The following LAMA1 variants were observed in gnomAD, a reference collection of about 807,000 sequenced individuals.
The protein encoded by LAMA1 is laminin subunit alpha-1.
In LAMA1, 219 loss-of-function variants were observed where a neutral mutation model predicts 348.7. That is an observed-to-expected ratio of 0.63 (90% CI 0.56 to 0.70). LAMA1 has a LOEUF of 0.70. LAMA1 is among the 30% of genes least tolerant of loss of function. The probability of loss-of-function intolerance (pLI) is 0.00; values close to 1 mark genes in which losing one functional copy is unlikely to be tolerated. For missense variants in LAMA1, 3,744 were observed against 3,888.0 expected (o/e 0.96, Z 0.99); for synonymous variants, 1,487 against 1,491.0 (o/e 1.00, Z 0.06).
At chr18:6,991,383 CTTCTTCT>C (rs1250708316) in intron 36 of LAMA1, among the ~76,000 whole-genome samples, 7 of 141,884 alleles carry the variant, frequency 4.9e-5, no homozygotes, top group African/African-American at 1.6e-4. Flanking sequence ...AATTCCACTT[CTTCTTCT>C]TTTTTTTTTT....
chr18:7,026,156 C>T (rs1342284805), intron 16 of LAMA1, 50 bp from the exon 17 acceptor site: 24 of 1,593,104 alleles, frequency 1.5e-5, no homozygotes, highest in Non-Finnish European at 2.1e-5. Context: ...AAAGGATTTT[C>T]AGATTTATCT....
At chr18:6,980,950 A>G (rs2057708890) in intron 41 of LAMA1, among the ~76,000 whole-genome samples, 1 of 151,956 alleles carries the variant, frequency 6.6e-6, no homozygotes, top group East Asian at 1.9e-4. Flanking sequence ...AATAAAAATA[A>G]ACATTAGCCA....
chr18:6,948,315 T>C, intron 60 of LAMA1, 88 bp downstream of exon 60: 1 of 1,549,300 alleles, frequency 6.5e-7, no homozygotes. Context: ...CCTTGTCCAG[T>C]GGGTCCTGTC....
At chr18:7,069,011 G>A (rs1291344303) in intron 3 of LAMA1, among the ~76,000 whole-genome samples, 1 of 152,040 alleles carries the variant, frequency 6.6e-6, no homozygotes, top group East Asian at 1.9e-4. Context: ...ATCCAATCCT[G>A]CAAAACTGTC....
In LAMA1 at chr18:6,978,297, G is replaced by T. The variant is rs761631965; in HGVS notation, c.6089C>A (p.Ala2030Glu). 2 of 1,614,084 alleles carry T rather than the reference G, an allele frequency of 1.2e-6. No individual in the cohort carries two copies. Among genetic ancestry groups the T allele is most frequent in the African/African-American group, 1.3e-5 (1 of 74,920 alleles). ...GTTCAGCAGCTCCTGGCTCAGCCCC[G>T]CCACGTCCCTCAGCGTGCTCACCGC... ...QSAVSTLRDV[A>E]GLSQELLNTS... The change falls in exon 43 of 63, where the codon GCG (alanine) becomes GAG (glutamate). Residue 2030 changes from alanine (A) to glutamate (E), a missense_variant. Coordinates refer to ENST00000389658, the MANE Select transcript of LAMA1 (RefSeq NM_005559.4).
chr18:7,016,665 A>G lies in LAMA1; in HGVS notation c.2815T>C (p.Tyr939His). ...GQQCDQCLHG[Y>H]YGLDSGHGCR... ...CCATGGCCTGAGTCCAGCCCATAAT[A>G]GCCATGCTGTTTCACCAAAGGGGGA... Residue 939 changes from tyrosine to histidine, a missense_variant, in exon 21 of 63, where the codon TAT becomes CAT. By Grantham distance (83) the Tyr-to-His change is moderately conservative. Coordinates refer to ENST00000389658, the MANE Select transcript of LAMA1 (RefSeq NM_005559.4). The G allele has an allele frequency of 6.2e-7, 1 of 1,612,584 alleles. No individual in the cohort carries two copies. Among genetic ancestry groups the G allele is most frequent in the Non-Finnish European group, 8.5e-7 (1 of 1,179,370 alleles).
chr18:6,955,854 A>G, intron 56 of LAMA1: 1 of 356,550 alleles, frequency 2.8e-6, no homozygotes, highest in Non-Finnish European at 5.5e-6. Context: ...CGGACCAGGC[A>G]CTGGAAAACT....
chr18:7,016,238 A>G (rs1228758902), intron 21 of LAMA1, among the ~76,000 whole-genome samples: 2 of 152,204 alleles, frequency 1.3e-5, no homozygotes, highest in Non-Finnish European at 2.9e-5. Flanking sequence ...CATTTTACAG[A>G]TGAGGAAACT....
chr18:7,024,593 T>C (rs2057933971), intron 17 of LAMA1, 127 bp from the exon 18 acceptor site: 4 of 782,170 alleles, frequency 5.1e-6, no homozygotes, highest in Middle Eastern at 3.3e-4. Context: ...TAGCTCAGAA[T>C]CCGGGGCCTC....
chr18:6,943,974 C>T (rs1033487423), intron 61 of LAMA1, among the ~76,000 whole-genome samples: 16 of 151,922 alleles, frequency 1.1e-4, no homozygotes, highest in African/African-American at 3.6e-4. Context: ...AATTTTAGGA[C>T]ATTTTAGGAG....
chr18:7,007,202 A>C lies in LAMA1; in HGVS notation c.4197T>G (p.Pro1399=). Reference sequence around the variant, plus strand: ...GGTTGTTGCAACTGCAGGGAACACAAGGAGCAACCAGAGGGCGTGGTCCCC... The same window carrying C: ...GGTTGTTGCAACTGCAGGGAACACACGGAGCAACCAGAGGGCGTGGTCCCC... The part of the protein sequence containing the change: ...SDRGPRPLVA[P]CVPCSCNNHS... The change falls in exon 29 of 63, where the codon CCT becomes CCG. Residue 1399 remains proline (P), a synonymous_variant. Transcript: ENST00000389658. The C allele has an allele frequency of 6.2e-7, 1 of 1,614,180 alleles. No individual in the cohort carries two copies. Among genetic ancestry groups the C allele is most frequent in the Non-Finnish European group, 8.5e-7 (1 of 1,180,026 alleles).
chr18:6,978,452 G>A, intron 42 of LAMA1, 74 bp from the exon 43 acceptor site: 2 of 1,303,474 alleles, frequency 1.5e-6, no homozygotes, highest in East Asian at 2.3e-5. Context: ...GACAACAAAT[G>A]TAATTTCGCA....
intron 5 of LAMA1, among the ~76,000 whole-genome samples, chr18:7,046,927 C>G (rs2058043911): frequency 6.6e-6 from 1 of 152,138 alleles, no homozygotes; most frequent in Admixed American, 6.5e-5. Context: ...ATTTTGTATA[C>G]TGCAACACTG....
chr18:7,081,863 A>G (rs16951205), intron 1 of LAMA1, among the ~76,000 whole-genome samples: 2,283 of 152,278 alleles, frequency 0.015, 56 homozygotes, highest in African/African-American at 0.052. Flanking sequence ...CTTTGTAAAA[A>G]CCATATAGAA....
Position 7,002,403 on chromosome 18 carries a change from A to C in LAMA1, c.4261-18T>G. On this transcript the variant is annotated intron_variant, in intron 29 of 62. Coordinates refer to ENST00000389658, the MANE Select transcript of LAMA1 (RefSeq NM_005559.4). ...CCACAGTTCTGGGAGCCCACATTTA[A>C]AGGAAGGGGGAAAAAATGGGAAATT... is the stretch of plus-strand genomic sequence containing the variant. 2 of 1,610,694 alleles carry C rather than the reference A, an allele frequency of 1.2e-6. No individual in the cohort carries two copies. Among genetic ancestry groups the C allele is most frequent in the South Asian group, 2.2e-5 (2 of 91,032 alleles).
chr18:6,986,613 G>A (rs2057736817), intron 36 of LAMA1, among the ~76,000 whole-genome samples: 1 of 150,560 alleles, frequency 6.6e-6, no homozygotes, highest in Non-Finnish European at 1.5e-5. Flanking sequence ...GGAAGTAAAT[G>A]GTACTTATAT....
In LAMA1 at chr18:6,955,499, C is replaced by T. The variant is rs1241542567; in HGVS notation, c.8095-34G>A. ...GACACACAGGGACACTCAGCCGCCA[C>T]CCGCAGCCCGAACCCCACTGACACA... On this transcript the variant is annotated intron_variant, in intron 56 of 62. Transcript: ENST00000389658. 4 of 1,535,276 alleles carry T rather than the reference C, an allele frequency of 2.6e-6. No individual in the cohort carries two copies. In the South Asian group the frequency reaches 3.4e-5, roughly 13 times the overall value.
intron 29 of LAMA1, among the ~76,000 whole-genome samples, chr18:7,005,147 G>A (rs962410338): frequency 3.3e-5 from 5 of 152,250 alleles, no homozygotes; most frequent in African/African-American, 9.6e-5. Flanking sequence ...GTGAGGGTAC[G>A]TGACTTGGAG....
rs750660410 is a variant in LAMA1, at chr18:6,973,045, T to A, written c.6774+12A>T. 2.5e-6 allele frequency: 4 copies of A among 1,614,004 alleles called. No individual in the cohort carries two copies. Among genetic ancestry groups the A allele is most frequent in the Middle Eastern group, 1.6e-4 (1 of 6,084 alleles). On this transcript the variant is annotated intron_variant, in intron 47 of 62. Transcript: ENST00000389658. ...CAATCAGTCCTGTTCAGAAGAACTT[T>A]CGTAATGTTACCTTGATTTGTCCTC...
Sources: allele counts gnomAD v4.1 joint callset (sites outside exome capture counted in the v4.1 genomes callset), GRCh38; gene constraint gnomAD v4.1.1; transcripts MANE v1.5; gene names NCBI Gene and HGNC (gene_info 2026-07-23, HGNC 2026-07-21).